The following KLF13 variants were observed in gnomAD, a reference collection of about 807,000 sequenced individuals.
KLF13 encodes the protein KLF transcription factor 13.
Under a neutral mutation model 16.7 loss-of-function variants are expected in KLF13, and 8 were observed. The observed-to-expected ratio is 0.48, with a 90% CI of 0.28 to 0.87. The LOEUF (loss-of-function observed/expected upper bound fraction) is 0.87. Among genes scored for constraint, KLF13 ranks in the 40% least tolerant of loss-of-function variants. The probability of loss-of-function intolerance (pLI) is 0.10; values close to 1 mark genes in which losing one functional copy is unlikely to be tolerated. For missense variants in KLF13, 447 were observed against 452.2 expected, an observed-to-expected ratio of 0.99 and a Z score of 0.10; for synonymous variants, 245 against 208.4, an observed-to-expected ratio of 1.18 and a Z score of -1.51.
intron 1 of KLF13, among the ~76,000 whole-genome samples, chr15:31,349,427 G>A (rs541871640): frequency 1.6e-4 from 25 of 152,346 alleles, no homozygotes; most frequent in African/African-American, 4.3e-4. Flanking sequence ...GTACAGCAGC[G>A]CTGTCTTCGA....
chr15:31,396,417 A>G (rs1595497053), intron 2 of KLF13, among the ~76,000 whole-genome samples: 1 of 152,074 alleles, frequency 6.6e-6, no homozygotes, highest in East Asian at 1.9e-4. Flanking sequence ...TCGGCCTCCC[A>G]AAGTGCTGGG....
chr15:31,432,228 C>T (rs181331884), intron 1 of KLF13, among the ~76,000 whole-genome samples: 74 of 152,136 alleles, frequency 4.9e-4, no homozygotes, highest in Non-Finnish European at 7.4e-4. Context: ...TCCTGGAGCT[C>T]TTGCACTGGA....
At chr15:31,365,535 A>G (rs2039453733) in intron 1 of KLF13, among the ~76,000 whole-genome samples, 1 of 150,194 alleles carries the variant, frequency 6.7e-6, no homozygotes, top group East Asian at 2.0e-4. Flanking sequence ...ATGACCACTC[A>G]ACAGGCTTCC....
chr15:31,418,815 GA>G (rs1376554518), intron 1 of KLF13, among the ~76,000 whole-genome samples: 10 of 152,134 alleles, frequency 6.6e-5, no homozygotes, highest in Non-Finnish European at 1.3e-4. Flanking sequence ...AATTTATAAT[GA>G]AAAAATATTT....
intron 1 of KLF13, among the ~76,000 whole-genome samples, chr15:31,346,784 G>A (rs572054290): frequency 9.2e-5 from 14 of 152,382 alleles, no homozygotes; most frequent in Non-Finnish European, 1.5e-5. Context: ...GGTGGGGCCA[G>A]GGCTCCTGCC....
chr15:31,328,617 C>G (rs553541344), intron 1 of KLF13, among the ~76,000 whole-genome samples: 2 of 152,086 alleles, frequency 1.3e-5, no homozygotes, highest in Non-Finnish European at 2.9e-5. Context: ...GCGGGCGGCA[C>G]CTGCACCAGG....
intron 1 of KLF13, among the ~76,000 whole-genome samples, chr15:31,362,765 C>G (rs145403461): frequency 6.6e-6 from 1 of 152,304 alleles, no homozygotes; most frequent in Non-Finnish European, 1.5e-5. Flanking sequence ...TTCCTAGGGA[C>G]CCTCTCTCTG....
intron 1 of KLF13, among the ~76,000 whole-genome samples, chr15:31,369,493 C>T (rs2039525098): frequency 6.6e-6 from 1 of 152,212 alleles, no homozygotes; most frequent in African/African-American, 2.4e-5. Context: ...ATTTGAACCA[C>T]AATTTTTTTG....
At chr15:31,382,234 C>T (rs1473450702), downstream of KLF13, among the ~76,000 whole-genome samples, 1 of 152,194 alleles carries the variant, frequency 6.6e-6, no homozygotes, top group Non-Finnish European at 1.5e-5. Context: ...CAGAGGCCTG[C>T]CGGGCAGCAG....
intron 1 of KLF13, among the ~76,000 whole-genome samples, chr15:31,356,576 G>C (rs1024272295): frequency 5.3e-5 from 8 of 152,198 alleles, no homozygotes. Flanking sequence ...AACATGCAGT[G>C]TTTGGTTTTC....
rs1555383378 is a variant in KLF13 at position 31,423,176 on chromosome 15, C to CACGT, written n.118-12193_118-12192insCGTA. Among the ~76,000 whole-genome samples, 136 of 17,006 alleles carry CACGT rather than the reference C, an allele frequency of 8.0e-3. 11 individuals carry two copies. The highest frequency in any genetic ancestry group is 0.01 in the Admixed American group (17 of 1,656). The allele number at this position is 17,006 out of a possible 152,430, so 11.2% of individuals were successfully genotyped here. On this transcript the variant is annotated intron_variant and non_coding_transcript_variant, in intron 1 of 1. Transcript: ENST00000558225. The stretch of plus-strand genomic sequence containing the variant: ...ATACGTATATATATGTATATATATA[C>CACGT]ATATATACGTATATATATATATCAG...
At chr15:31,335,475 GTA>G (rs56106413) in intron 1 of KLF13, among the ~76,000 whole-genome samples, 4,400 of 22,636 alleles carry the variant, frequency 0.19, 345 homozygotes, top group East Asian at 0.32. Context: ...GTGTGTGTGT[GTA>G]TGGTGGCGGG....
rs1420761156 is a variant in KLF13, at chr15:31,327,206, C to T, written c.-7C>T. On this transcript the variant is annotated 5_prime_UTR_variant, in exon 1 of 2. Coordinates refer to ENST00000307145, the MANE Select transcript of KLF13 (RefSeq NM_015995.4). Reference sequence around the variant, plus strand: ...CAAGAGCACCGCCGCCGGCCCCAGCCCGCAGCATGGCAGCCGCCGCCTATG... The same window carrying T: ...CAAGAGCACCGCCGCCGGCCCCAGCTCGCAGCATGGCAGCCGCCGCCTATG... 7.5e-7 allele frequency: 1 copy of T among 1,338,708 alleles called. No homozygotes were observed. 82.9% of individuals were successfully genotyped at this position (1,338,708 alleles called of 1,614,324 possible).
intron 1 of KLF13, among the ~76,000 whole-genome samples, chr15:31,417,191 C>T (rs990527405): frequency 3.9e-5 from 6 of 152,040 alleles, no homozygotes; most frequent in Non-Finnish European, 5.9e-5. Context: ...AAATAAATTT[C>T]TTTTTAAAAT....
intron 1 of KLF13, among the ~76,000 whole-genome samples, chr15:31,335,412 T>C (rs1269783786): frequency 1.4e-5 from 2 of 145,596 alleles, no homozygotes; most frequent in African/African-American, 5.1e-5. Flanking sequence ...CGCCATTTGC[T>C]GTTGGGCATT....
At chr15:31,405,447 G>T (rs976617749), downstream of KLF13, among the ~76,000 whole-genome samples, 1 of 152,230 alleles carries the variant, frequency 6.6e-6, no homozygotes, top group African/African-American at 2.4e-5. Context: ...ATATGCTGGC[G>T]CCTTAATTTT....
At chr15:31,363,747 A>G (rs1462356826) in intron 1 of KLF13, among the ~76,000 whole-genome samples, 2 of 152,214 alleles carry the variant, frequency 1.3e-5, no homozygotes, top group African/African-American at 2.4e-5. Context: ...CAGCCTCCCA[A>G]AGTGCTGGGA....
At chr15:31,428,529 G>A (rs543806436) in intron 1 of KLF13, among the ~76,000 whole-genome samples, 21 of 151,996 alleles carry the variant, frequency 1.4e-4, no homozygotes, top group South Asian at 4.1e-4. Flanking sequence ...AGGACCGGCC[G>A]CGGGCGGTGG....
intron 2 of KLF13, among the ~76,000 whole-genome samples, chr15:31,395,182 G>A (rs1029164864): frequency 3.9e-5 from 6 of 152,098 alleles, no homozygotes; most frequent in East Asian, 1.9e-4. Context: ...GTTTCACCAC[G>A]TTGGCCAGTC....
Sources: allele counts gnomAD v4.1 joint callset (sites outside exome capture counted in the v4.1 genomes callset), GRCh38; gene constraint gnomAD v4.1.1; transcripts MANE v1.5; gene names NCBI Gene and HGNC (gene_info 2026-07-23, HGNC 2026-07-21).